Variants in GRIK4 observed in about 807,000 individuals in gnomAD.
The protein encoded by GRIK4 is glutamate ionotropic receptor kainate type subunit 4.
GRIK4 carries 40 observed loss-of-function variants against 104.9 expected under a neutral mutation model. The ratio of observed to expected loss-of-function variants is 0.38; its 90% CI spans 0.30 to 0.50. The LOEUF is 0.50. Among genes scored for constraint, GRIK4 ranks in the 20% least tolerant of loss-of-function variants. GRIK4 has a pLI of 0.93. For missense variants in GRIK4, 1,047 were observed against 1,308.1 expected (o/e 0.80, Z 3.08); for synonymous variants, 485 against 524.9 (o/e 0.92, Z 1.04).
chr11:120,926,330 A>T (rs1393943259), intron 13 of GRIK4, among the ~76,000 whole-genome samples: 1 of 152,242 alleles, frequency 6.6e-6, no homozygotes, highest in Admixed American at 6.5e-5. Context: ...CAATAATTTT[A>T]AAAAATAAAT....
chr11:120,533,799 T>C (rs1947945518), intron 1 of GRIK4, among the ~76,000 whole-genome samples: 1 of 152,086 alleles, frequency 6.6e-6, no homozygotes, highest in Non-Finnish European at 1.5e-5. Flanking sequence ...ATTGCTTGAA[T>C]CCAGGAGGCA....
chr11:120,644,200 C>G (rs1466945361), intron 1 of GRIK4, among the ~76,000 whole-genome samples: 1 of 152,034 alleles, frequency 6.6e-6, no homozygotes, highest in Non-Finnish European at 1.5e-5. Flanking sequence ...GATCTTATGC[C>G]TCGCACACAT....
At chr11:120,655,138 C>T (rs989158923) in intron 2 of GRIK4, among the ~76,000 whole-genome samples, 27 of 151,940 alleles carry the variant, frequency 1.8e-4, no homozygotes, top group African/African-American at 6.5e-4. Context: ...TGGTGCTCTC[C>T]AGACAGCATC....
intron 1 of GRIK4, among the ~76,000 whole-genome samples, chr11:120,561,473 G>C (rs1948237836): frequency 6.6e-6 from 1 of 152,170 alleles, no homozygotes; most frequent in Non-Finnish European, 1.5e-5. Context: ...CAGCACTCTA[G>C]GTCCCTTCTG....
chr11:120,820,268 C>T (rs1040869095), intron 6 of GRIK4, among the ~76,000 whole-genome samples: 1 of 152,136 alleles, frequency 6.6e-6, no homozygotes, highest in Non-Finnish European at 1.5e-5. Flanking sequence ...CTTTTTGCAT[C>T]TGCAAACTCA....
chr11:120,846,991 C>A (rs571960135), intron 8 of GRIK4, among the ~76,000 whole-genome samples: 1 of 152,288 alleles, frequency 6.6e-6, no homozygotes, highest in East Asian at 1.9e-4. Context: ...TCTCTCACCA[C>A]CCCCTTACCC....
In GRIK4 at chr11:120,875,344, A is replaced by G. The variant is rs1954754088; in HGVS notation, c.1164+101A>G. ...GGCCTCCTGCTCCCAGTTATCCCCA[A>G]CAGCAGCAGGCTGGATCCTGGGCAA... On this transcript the variant is annotated intron_variant, in intron 11 of 20. Coordinates refer to ENST00000527524, the MANE Select transcript of GRIK4 (RefSeq NM_014619.5). 3.9e-5 allele frequency: 30 copies of G among 764,196 alleles called. No homozygotes were observed. The South Asian group carries it at 4.4e-4, about 11-fold the overall frequency. The allele number at this position is 764,196 out of a possible 1,614,324, so 47.3% of individuals were successfully genotyped here.
chr11:120,867,576 G>T (rs1284846827), intron 9 of GRIK4, among the ~76,000 whole-genome samples: 2 of 151,664 alleles, frequency 1.3e-5, no homozygotes, highest in East Asian at 2.0e-4. Flanking sequence ...CTTGGGTAAG[G>T]GTCTGCCGCT....
Position 120,874,061 on chromosome 11 carries a change from C to A in GRIK4, c.907-5C>A. ...TCCCTCCGCCTGCTCCCCGGCCTCT[C>A]CCAGCTCTCCTCGGCCCTGCTGTTT... On this transcript the variant is annotated splice_region_variant and splice_polypyrimidine_tract_variant and intron_variant, in intron 9 of 20. Coordinates refer to ENST00000527524, the MANE Select transcript of GRIK4 (RefSeq NM_014619.5). 6.2e-7 allele frequency: 1 copy of A among 1,602,102 alleles called. No individual in the cohort carries two copies. The highest frequency in any genetic ancestry group is 2.2e-5 in the East Asian group (1 of 44,460).
rs1230991632 is a variant in GRIK4, at chr11:120,647,762, T to TA, written c.-158-5922dup. Among the ~76,000 whole-genome samples the TA allele has an allele frequency of 2.6e-5, 4 of 152,392 alleles. No homozygotes were observed. In the South Asian group the frequency reaches 6.2e-4, roughly 24 times the overall value. ...TTTTGTGACAGAGGCCACCCTGACT[T>TA]ATGAAAGCGGCTTCGCTGTGGCCGG... On this transcript the variant is annotated intron_variant, in intron 1 of 20. Coordinates refer to ENST00000527524, the MANE Select transcript of GRIK4 (RefSeq NM_014619.5).
intron 11 of GRIK4, among the ~76,000 whole-genome samples, chr11:120,892,984 A>G (rs1391212724): frequency 6.6e-6 from 1 of 152,224 alleles, no homozygotes; most frequent in East Asian, 1.9e-4. Flanking sequence ...CACTACGAGA[A>G]AGCAGACAAA....
chr11:120,922,424 C>G (rs142198023), intron 13 of GRIK4, among the ~76,000 whole-genome samples: 1 of 152,298 alleles, frequency 6.6e-6, no homozygotes, highest in East Asian at 1.9e-4. Context: ...CCTGCCCTAC[C>G]CCACAGCTAG....
intron 16 of GRIK4, among the ~76,000 whole-genome samples, chr11:120,959,998 C>T (rs950224065): frequency 2.6e-5 from 4 of 152,096 alleles, no homozygotes; most frequent in African/African-American, 9.7e-5. Context: ...CACTGCATTC[C>T]AGCCTGGATG....
At chr11:120,710,436 C>T (rs1041290611) in intron 3 of GRIK4, among the ~76,000 whole-genome samples, 7 of 152,146 alleles carry the variant, frequency 4.6e-5, no homozygotes, top group African/African-American at 1.7e-4. Flanking sequence ...CTCTTCTGAT[C>T]GACGGCACTG....
In GRIK4 at chr11:120,960,840, C is replaced by G. The variant is rs564035430; in HGVS notation, c.1875-69C>G. 4.0e-6 allele frequency: 5 copies of G among 1,246,272 alleles called. No individual in the cohort carries two copies. In the South Asian group the frequency reaches 5.4e-5, roughly 13 times the overall value. The allele number at this position is 1,246,272 out of a possible 1,614,324, so 77.2% of individuals were successfully genotyped here. ...TGGTCTCTCCCATGTCACAGCAGGA[C>G]TGGGGTCAGGGGCCAAGACTCCAGG... On this transcript the variant is annotated intron_variant, in intron 16 of 20. Transcript: ENST00000527524.
chr11:120,877,917 GGC>G (rs1468410892), intron 11 of GRIK4, among the ~76,000 whole-genome samples: 3 of 152,184 alleles, frequency 2.0e-5, no homozygotes, highest in Non-Finnish European at 4.4e-5. Context: ...CACCTGCAGT[GGC>G]AGAGCTGGCT....
chr11:120,616,136 T>G (rs1471411227), intron 1 of GRIK4, among the ~76,000 whole-genome samples: 1 of 151,960 alleles, frequency 6.6e-6, no homozygotes, highest in African/African-American at 2.4e-5. Context: ...CCTTACATCT[T>G]TGTTGGGGTG....
chr11:120,764,597 GT>G (rs554300146), intron 3 of GRIK4, among the ~76,000 whole-genome samples: 1 of 104,862 alleles, frequency 9.5e-6, no homozygotes, highest in Admixed American at 1.1e-4. Flanking sequence ...TTTTGTTTTT[GT>G]TTTTTTTTTC....
chr11:120,523,406 C>A (rs926437904), intron 1 of GRIK4, among the ~76,000 whole-genome samples: 1 of 152,010 alleles, frequency 6.6e-6, no homozygotes, highest in Non-Finnish European at 1.5e-5. Flanking sequence ...CCCTCAGCTC[C>A]TTTGGGGAGG....
Sources: gnomAD v4.1 joint callset for allele counts (sites outside exome capture counted in the v4.1 genomes callset) on GRCh38, gnomAD v4.1.1 for gene constraint, MANE v1.5 for transcripts, NCBI Gene and HGNC (gene_info 2026-07-23, HGNC 2026-07-21) for gene names.